ECM1: variants seen among roughly 807,000 people sequenced by gnomAD.
The protein encoded by ECM1 is secretory component p85.
A neutral mutation model predicts 57.9 loss-of-function variants in ECM1; 54 were observed. The observed-to-expected ratio is 0.93, with a 90% CI of 0.75 to 1.17. The LOEUF (loss-of-function observed/expected upper bound fraction) is 1.17. ECM1 is among the 50% of genes most tolerant of loss of function. The pLI is 0.00. For synonymous variants in ECM1, 237 were observed against 259.1 expected (o/e 0.91, Z 0.82); for missense variants, 649 against 688.1 (o/e 0.94, Z 0.64).
rs774340257 is a variant in ECM1, at chr1:150,512,690, A to G, written c.1305-35A>G. On this transcript the variant is annotated intron_variant, in intron 8 of 9. Coordinates refer to ENST00000369047, the MANE Select transcript of ECM1 (RefSeq NM_004425.4). ...CCATCTGATGCCAGAAGATGCCCAA[A>G]GACCCTAACCCCTGCCCCTTTCACA... is the stretch of plus-strand genomic sequence containing the variant. 3.1e-6 allele frequency: 5 copies of G among 1,612,930 alleles called. No homozygotes were observed. The Admixed American group carries it at 8.3e-5, about 27-fold the overall frequency.
intron 1 of ECM1, 68 bp downstream of exon 1, chr1:150,508,347 C>A: frequency 1.4e-6 from 2 of 1,427,208 alleles, no homozygotes; most frequent in Admixed American, 1.7e-5. Context: ...GTCCAGGCAT[C>A]CCAGACGGCT....
chr1:150,512,754 T>C lies in ECM1; in HGVS notation c.1334T>C (p.Met445Thr), dbSNP rs1486804476. 1.9e-6 allele frequency: 3 copies of C among 1,614,084 alleles called. No homozygotes were observed. Among genetic ancestry groups the C allele is most frequent in the East Asian group, 2.2e-5 (1 of 44,884 alleles). The change falls in exon 9 of 10, where the codon ATG becomes ACG. Residue 445 changes from methionine to threonine, a missense_variant. Met to Thr is a moderately conservative substitution (Grantham distance 81). Transcript: ENST00000369047. ...HKHIPGLIHNMTARCCDLPFP... is the reference protein window; with the variant it reads ...HKHIPGLIHNTTARCCDLPFP... ...CATATTCCTGGGCTGATCCACAACA[T>C]GACTGCCCGCTGCTGTGACCTGCCA...
intron 1 of ECM1, 122 bp downstream of exon 1, chr1:150,508,401 G>T: frequency 9.6e-7 from 1 of 1,046,548 alleles, no homozygotes; most frequent in South Asian, 1.3e-5. Flanking sequence ...CCTTTTCTGA[G>T]CAGGCCCAAA....
Position 150,510,771 on chromosome 1 carries a change from CCAA to C in ECM1, c.386-103_386-101del, listed in dbSNP as rs1300529396. 2.8e-5 allele frequency: 33 copies of C among 1,181,640 alleles called. No individual in the cohort carries two copies. The African/African-American group carries it at 4.3e-4, about 15-fold the overall frequency. 73.2% of individuals were successfully genotyped at this position (1,181,640 alleles called of 1,614,324 possible). On this transcript the variant is annotated intron_variant, in intron 5 of 9. Coordinates refer to ENST00000369047, the MANE Select transcript of ECM1 (RefSeq NM_004425.4). The stretch of plus-strand genomic sequence containing the variant: ...TCTTTCTCATTTCCACTATATCCTC[CCAA>C]CCCTTTCTCCTCCACCCCAGATTCT...
chr1:150,510,262 G>C, intron 5 of ECM1, 80 bp downstream of exon 5: 1 of 1,339,008 alleles, frequency 7.5e-7, no homozygotes, highest in Non-Finnish European at 1.1e-6. Context: ...CAGACAAGAC[G>C]GTGGGCTCTG....
At chr1:150,509,133 C>T (rs1670358145) in intron 1 of ECM1, among the ~76,000 whole-genome samples, 1 of 152,174 alleles carries the variant, frequency 6.6e-6, no homozygotes, top group South Asian at 2.1e-4. Context: ...TGGGTAGGCT[C>T]CAACCAGCTC....
intron 7 of ECM1, 34 bp downstream of exon 7, chr1:150,511,865 T>A: frequency 6.4e-7 from 1 of 1,573,878 alleles, no homozygotes; most frequent in Non-Finnish European, 8.6e-7. Flanking sequence ...TGAGAGCCTG[T>A]TTGCCTGCCT....
rs587669432 is a variant in ECM1, at chr1:150,509,196, G to A, written c.71-335G>A. The A allele has an allele frequency of 1.5e-4, 63 of 433,856 alleles. 1 individual carries two copies. The highest frequency in any genetic ancestry group is 1.4e-3 in the South Asian group (62 of 44,916). 26.9% of individuals were successfully genotyped at this position (433,856 alleles called of 1,614,324 possible). ...TAGAGACGCATCCCAGCAGAGACTG[G>A]GGAGGACAACCCACAGCCCTGAGGG... On this transcript the variant is annotated intron_variant, in intron 1 of 9. Coordinates refer to ENST00000369047, the MANE Select transcript of ECM1 (RefSeq NM_004425.4).
rs202006977 is a variant in ECM1, at chr1:150,511,825, G to A, written c.1077G>A (p.Trp359Ter). The A allele has an allele frequency of 4.9e-5, 78 of 1,604,826 alleles. 1 individual carries two copies. Among genetic ancestry groups the A allele is most frequent in the Non-Finnish European group, 6.5e-5 (76 of 1,174,422 alleles). ...CRQGNNHTCT[W>*]KAWEDTLDKY... The stretch of plus-strand genomic sequence containing the variant: ...AGGGGAACAATCACACCTGTACATG[G>A]AAGGCCGTAAGTGGGCGTCCCAGCC... Residue 359 changes from tryptophan to a stop codon, truncating the protein, a stop_gained, in exon 7 of 10, where the codon TGG becomes TGA. Coordinates refer to ENST00000369047, the MANE Select transcript of ECM1 (RefSeq NM_004425.4). LOFTEE classifies it high-confidence loss of function.
chr1:150,511,876 G>A (rs769334527), intron 7 of ECM1, 45 bp downstream of exon 7: 70 of 1,564,102 alleles, frequency 4.5e-5, no homozygotes, highest in Non-Finnish European at 5.8e-5. Context: ...TTGCCTGCCT[G>A]CCCATCTTCG....
rs1222910745 is a variant in ECM1 at position 150,510,351 on chromosome 1, A to G, written c.385+169A>G. The G allele has an allele frequency of 4.4e-6, 3 of 678,176 alleles. No individual in the cohort carries two copies. In the East Asian group the frequency reaches 8.1e-5, roughly 18 times the overall value. The allele number at this position is 678,176 out of a possible 1,614,324, so 42.0% of individuals were successfully genotyped here. A position where few individuals can be genotyped will look rare whatever the true frequency, so the allele number is the denominator to read the frequency against. ...TTTCTTCATCTGTAAAATTGAGGATATACCTGTTTTAGAAAGTTATGTGAT... is the reference window on the plus strand; with the variant it reads ...TTTCTTCATCTGTAAAATTGAGGATGTACCTGTTTTAGAAAGTTATGTGAT... On this transcript the variant is annotated intron_variant, in intron 5 of 9. Coordinates refer to ENST00000369047, the MANE Select transcript of ECM1 (RefSeq NM_004425.4).
intron 4 of ECM1, 21 bp from the exon 5 acceptor site, chr1:150,510,081 G>A (rs1670396164): frequency 6.2e-7 from 1 of 1,613,778 alleles, no homozygotes; most frequent in East Asian, 2.2e-5. Context: ...GCTCCTTGGT[G>A]CCCTCACCCC....
chr1:150,512,252 G>C, intron 7 of ECM1, 100 bp from the exon 8 acceptor site: 1 of 1,353,442 alleles, frequency 7.4e-7, no homozygotes, highest in African/African-American at 1.5e-5. Flanking sequence ...CTCGGGCTGG[G>C]AGCCCCTCAT....
chr1:150,511,718 A>C lies in ECM1; in HGVS notation c.970A>C (p.Asn324His), dbSNP rs775854728. Residue 324 changes from asparagine (N) to histidine (H), a missense_variant, in exon 7 of 10, where the codon AAC becomes CAC. By Grantham distance (68) the Asn-to-His change is moderately conservative. Coordinates refer to ENST00000369047, the MANE Select transcript of ECM1 (RefSeq NM_004425.4). ...GAGGCGCTTCCGCTCTGTGCCACGC[A>C]ACCTGCCAGCTACTGACCCCCTACA... ...HLRRFRSVPRNLPATDPLQRE... is the reference protein window; with the variant it reads ...HLRRFRSVPRHLPATDPLQRE... 232 of 1,613,890 alleles carry C rather than the reference A, an allele frequency of 1.4e-4. 1 individual carries two copies. Among genetic ancestry groups the C allele is most frequent in the Non-Finnish European group, 1.9e-4 (221 of 1,179,914 alleles).
At position 150,510,144 on chromosome 1, in the gene ECM1, A is replaced by T. The variant is rs1407479687; in HGVS notation, c.347A>T (p.Glu116Val). 6.2e-7 allele frequency: 1 copy of T among 1,614,006 alleles called. No homozygotes were observed. Among genetic ancestry groups the T allele is most frequent in the South Asian group, 1.1e-5 (1 of 91,070 alleles). The stretch of plus-strand genomic sequence containing the variant: ...CAGGAAGCTGTCCCCCTCCAAAAAG[A>T]GCTGCCCTCTCTCCAGCACCCCAAT... ...LPQEAVPLQK[E>V]LPSLQHPNEQ... Residue 116 changes from glutamate (E) to valine (V), a missense_variant, in exon 5 of 10, where the codon GAG becomes GTG. By Grantham distance (121) the Glu-to-Val change is moderately radical. Coordinates refer to ENST00000369047, the MANE Select transcript of ECM1 (RefSeq NM_004425.4).
chr1:150,508,121 C>A lies in ECM1; in HGVS notation c.-89C>A. ...TCCTGAAGCTCACAACCGTAACAGCCACCAGACAAGCTTCAGTGGCCGGCC... is the reference window on the plus strand; with the variant it reads ...TCCTGAAGCTCACAACCGTAACAGCAACCAGACAAGCTTCAGTGGCCGGCC... On this transcript the variant is annotated 5_prime_UTR_variant, in exon 1 of 10. Transcript: ENST00000369047. 1 of 1,238,382 alleles carries A rather than the reference C, an allele frequency of 8.1e-7. No individual in the cohort carries two copies. Among genetic ancestry groups the A allele is most frequent in the Non-Finnish European group, 1.2e-6 (1 of 840,428 alleles). 76.7% of individuals were successfully genotyped at this position (1,238,382 alleles called of 1,614,324 possible).
chr1:150,509,362 G>A (rs1670368917), intron 1 of ECM1, 169 bp from the exon 2 acceptor site: 2 of 716,574 alleles, frequency 2.8e-6, no homozygotes, highest in Non-Finnish European at 4.9e-6. Flanking sequence ...ATGTCTAGGT[G>A]TGTTGGGGCT....
chr1:150,513,417 T>C lies in ECM1; in HGVS notation c.1573T>C (p.Ser525Pro), dbSNP rs748319801. The stretch of plus-strand genomic sequence containing the variant: ...CGCCAAGGGCCAGGGGGAGCAGGGC[T>C]CAACTGGAGGAACAAATATCAGCTC... ...ENAKGQGEQGSTGGTNISSTS... is the reference protein window; with the variant it reads ...ENAKGQGEQGPTGGTNISSTS... Residue 525 changes from serine (S) to proline (P), a missense_variant, in exon 10 of 10, where the codon TCA becomes CCA. Coordinates refer to ENST00000369047, the MANE Select transcript of ECM1 (RefSeq NM_004425.4). 3 of 1,613,870 alleles carry C rather than the reference T, an allele frequency of 1.9e-6. No homozygotes were observed. The Admixed American group carries it at 5.0e-5, about 27-fold the overall frequency.
Position 150,508,295 on chromosome 1 carries a change from A to T in ECM1, c.70+16A>T. The stretch of plus-strand genomic sequence containing the variant: ...TCTGAGGGAGGTGAGTTGGGGGATC[A>T]GCACTTAGGAGGGGGTCTGGGCTTG... On this transcript the variant is annotated intron_variant, in intron 1 of 9. Coordinates refer to ENST00000369047, the MANE Select transcript of ECM1 (RefSeq NM_004425.4). The T allele has an allele frequency of 6.2e-7, 1 of 1,612,234 alleles. No individual in the cohort carries two copies. The highest frequency in any genetic ancestry group is 8.5e-7 in the Non-Finnish European group (1 of 1,178,954).
Sources: gnomAD v4.1 joint callset for allele counts (sites outside exome capture counted in the v4.1 genomes callset) on GRCh38, gnomAD v4.1.1 for gene constraint, MANE v1.5 for transcripts, NCBI Gene and HGNC (gene_info 2026-07-23, HGNC 2026-07-21) for gene names.